The following NR3C2 variants were observed in gnomAD, a reference collection of about 807,000 sequenced individuals.
The protein encoded by NR3C2 is mineralocorticoid receptor.
NR3C2 carries 15 observed loss-of-function variants against 86.4 expected under a neutral mutation model. The observed-to-expected ratio is 0.17, with a 90% CI of 0.12 to 0.27. The LOEUF is 0.27. Among genes scored for constraint, NR3C2 ranks in the 10% least tolerant of loss-of-function variants. NR3C2 has a pLI of 1.00. For synonymous variants in NR3C2, 458 were observed against 450.5 expected (o/e 1.02, Z -0.21); for missense variants, 960 against 1,195.6 (o/e 0.80, Z 2.91).
At chr4:148,445,132 G>A (rs540889527), upstream of NR3C2, among the ~76,000 whole-genome samples, 75 of 152,070 alleles carry the variant, frequency 4.9e-4, no homozygotes, top group Admixed American at 4.9e-3. Flanking sequence ...GAGGCCAAAG[G>A]AAAACTGAGC....
chr4:148,430,432 T>C (rs995099561), intron 2 of NR3C2, among the ~76,000 whole-genome samples: 1 of 152,138 alleles, frequency 6.6e-6, no homozygotes, highest in Non-Finnish European at 1.5e-5. Flanking sequence ...TTTTTTATTA[T>C]CACCACTCTT....
At chr4:148,094,027 C>T (rs1731171181) in intron 8 of NR3C2, among the ~76,000 whole-genome samples, 1 of 152,134 alleles carries the variant, frequency 6.6e-6, no homozygotes, top group African/African-American at 2.4e-5. Flanking sequence ...TGATAAAGGA[C>T]TTGCCAAAGC....
chr4:148,228,069 A>G (rs894526415), intron 3 of NR3C2, among the ~76,000 whole-genome samples: 1 of 152,184 alleles, frequency 6.6e-6, no homozygotes, highest in Non-Finnish European at 1.5e-5. Context: ...ATGTTCACAT[A>G]AAGAGACACA....
At chr4:148,170,274 T>A (rs1360567836) in intron 4 of NR3C2, among the ~76,000 whole-genome samples, 1 of 152,144 alleles carries the variant, frequency 6.6e-6, no homozygotes, top group East Asian at 1.9e-4. Flanking sequence ...ACTAAGGAAG[T>A]TGTTAAAGCA....
At chr4:148,392,848 G>C (rs1747659209) in intron 2 of NR3C2, among the ~76,000 whole-genome samples, 1 of 152,110 alleles carries the variant, frequency 6.6e-6, no homozygotes, top group Non-Finnish European at 1.5e-5. Flanking sequence ...TTTCCCCTTG[G>C]TTTTGTGGTG....
chr4:148,280,253 C>T (rs1741166857), intron 2 of NR3C2, among the ~76,000 whole-genome samples: 1 of 152,122 alleles, frequency 6.6e-6, no homozygotes, highest in Admixed American at 6.5e-5. Flanking sequence ...GCACTTTTGG[C>T]TAACTACTAT....
chr4:148,268,231 G>C (rs1157924255), intron 2 of NR3C2, among the ~76,000 whole-genome samples: 2 of 152,156 alleles, frequency 1.3e-5, no homozygotes, highest in East Asian at 1.9e-4. Context: ...GAGCCACTGT[G>C]CCTGGCCTTG....
intron 4 of NR3C2, among the ~76,000 whole-genome samples, chr4:148,160,296 G>A (rs1190874492): frequency 6.6e-6 from 1 of 152,124 alleles, no homozygotes; most frequent in Non-Finnish European, 1.5e-5. Flanking sequence ...AGCACATCTT[G>A]GTGGGACTCT....
intron 2 of NR3C2, among the ~76,000 whole-genome samples, chr4:148,288,831 G>A (rs1741657629): frequency 6.6e-6 from 1 of 152,168 alleles, no homozygotes; most frequent in Middle Eastern, 3.2e-3. Context: ...TATTTTATCA[G>A]TGTTATGCCC....
chr4:148,344,661 G>C lies in NR3C2; in HGVS notation c.1758-84544C>G, dbSNP rs61761514. 3.7e-3 allele frequency among the ~76,000 whole-genome samples: 565 copies of C among 152,244 alleles called. 2 individuals are homozygous for C. The highest frequency in any genetic ancestry group is 6.8e-3 in the Non-Finnish European group (459 of 67,994). On this transcript the variant is annotated intron_variant, in intron 2 of 8. Transcript: ENST00000358102. ...TACCTCCACTGCTTCTCTATTATTA[G>C]TGTGAGGTCAACATTACTACTATTG...
At chr4:148,115,423 G>T (rs1732229988) in intron 7 of NR3C2, among the ~76,000 whole-genome samples, 1 of 152,110 alleles carries the variant, frequency 6.6e-6, no homozygotes, top group South Asian at 2.1e-4. Context: ...TTTATTTCTA[G>T]GTGATAAAGA....
At chr4:148,315,175 G>A (rs1168102558) in intron 2 of NR3C2, among the ~76,000 whole-genome samples, 6 of 152,012 alleles carry the variant, frequency 3.9e-5, no homozygotes, top group African/African-American at 1.2e-4. Context: ...ACTTTGATCC[G>A]CCAGTTACTC....
Position 148,435,091 on chromosome 4 carries a change from A to T in NR3C2, c.1757+13T>A. ...AGCCATGACTTCCAAAAAAATGGAGAAAACCAACTTACCTTGATACATTTT... is the reference window on the plus strand; with the variant it reads ...AGCCATGACTTCCAAAAAAATGGAGTAAACCAACTTACCTTGATACATTTT... On this transcript the variant is annotated intron_variant, in intron 2 of 8. Transcript: ENST00000358102. 6.2e-7 allele frequency: 1 copy of T among 1,614,072 alleles called. No homozygotes were observed. The highest frequency in any genetic ancestry group is 8.5e-7 in the Non-Finnish European group (1 of 1,179,918).
At chr4:148,382,095 C>A (rs953112160) in intron 2 of NR3C2, among the ~76,000 whole-genome samples, 1 of 152,124 alleles carries the variant, frequency 6.6e-6, no homozygotes, top group Non-Finnish European at 1.5e-5. Context: ...AAGAATCAAG[C>A]CCGACCCTCA....
At chr4:148,132,194 C>T (rs1733073435) in intron 6 of NR3C2, among the ~76,000 whole-genome samples, 1 of 152,174 alleles carries the variant, frequency 6.6e-6, no homozygotes, top group East Asian at 1.9e-4. Flanking sequence ...TTGGGGGTAT[C>T]TGTGATAAAT....
intron 8 of NR3C2, among the ~76,000 whole-genome samples, chr4:148,106,052 T>C (rs1013348943): frequency 2.0e-5 from 3 of 152,176 alleles, no homozygotes; most frequent in African/African-American, 7.2e-5. Context: ...GGTATTCAAA[T>C]AGGAAGTGAG....
Position 148,097,741 on chromosome 4 carries a change from G to GGTT in NR3C2, c.2800-16243_2800-16242insAAC, listed in dbSNP as rs1222325361. ...TTAAAACATGATGAGACTTTTTTGCGTTTTTTTTTGTTTTTTTTTTTTTTT... is the reference window on the plus strand; with the variant it reads ...TTAAAACATGATGAGACTTTTTTGCGGTTTTTTTTTTTGTTTTTTTTTTTTTTT... On this transcript the variant is annotated intron_variant, in intron 8 of 8. Coordinates refer to ENST00000358102, the MANE Select transcript of NR3C2 (RefSeq NM_000901.5). Among the ~76,000 whole-genome samples the GGTT allele has an allele frequency of 8.4e-5, 9 of 107,486 alleles. No homozygotes were observed. In the South Asian group the frequency reaches 2.3e-3, roughly 28 times the overall value. The allele number at this position is 107,486 out of a possible 152,430, so 70.5% of individuals were successfully genotyped here. A position where few individuals can be genotyped will look rare whatever the true frequency, so the allele number is the denominator to read the frequency against.
intron 5 of NR3C2, 97 bp downstream of exon 5, chr4:148,154,454 G>T: frequency 9.1e-7 from 1 of 1,104,756 alleles, no homozygotes; most frequent in Non-Finnish European, 1.4e-6. Flanking sequence ...GGATTTCATA[G>T]AACGCAAACT....
intron 4 of NR3C2, among the ~76,000 whole-genome samples, chr4:148,189,481 G>A (rs969633179): frequency 1.2e-4 from 18 of 152,146 alleles, no homozygotes; most frequent in African/African-American, 2.2e-4. Context: ...GTGCATCGGC[G>A]ATATCAGTCT....
Sources: gnomAD v4.1 joint callset for allele counts (sites outside exome capture counted in the v4.1 genomes callset) on GRCh38, gnomAD v4.1.1 for gene constraint, MANE v1.5 for transcripts, NCBI Gene and HGNC (gene_info 2026-07-23, HGNC 2026-07-21) for gene names.